The following CHL1 variants were observed in gnomAD, a reference collection of about 807,000 sequenced individuals.
CHL1 encodes the protein neural cell adhesion molecule L1-like protein.
In CHL1, 96 loss-of-function variants were observed where a neutral mutation model predicts 141.9. The ratio of observed to expected loss-of-function variants is 0.68; its 90% CI spans 0.57 to 0.80. The LOEUF (loss-of-function observed/expected upper bound fraction) is 0.80, where lower values mean the gene tolerates loss of function less well. Among genes scored for constraint, CHL1 ranks in the 30% least tolerant of loss-of-function variants. The probability of loss-of-function intolerance (pLI) is 0.00; values close to 1 mark genes in which losing one functional copy is unlikely to be tolerated. For missense variants in CHL1, 1,820 were observed against 1,457.2 expected, an observed-to-expected ratio of 1.25 and a Z score of -4.05; for synonymous variants, 613 against 502.2, an observed-to-expected ratio of 1.22 and a Z score of -2.95.
intron 11 of CHL1, 119 bp downstream of exon 11, chr3:354,890 C>A: frequency 1.6e-6 from 2 of 1,234,582 alleles, no homozygotes; most frequent in Non-Finnish European, 2.2e-6. Flanking sequence ...ACAGATACAA[C>A]CAGCAAATCA....
intron 2 of CHL1, among the ~76,000 whole-genome samples, chr3:310,876 C>T (rs1200689319): frequency 1.3e-5 from 2 of 152,224 alleles, no homozygotes; most frequent in African/African-American, 4.8e-5. Flanking sequence ...AAATCCTGTC[C>T]TCCTATTCAT....
intron 4 of CHL1, among the ~76,000 whole-genome samples, chr3:327,820 T>G (rs941748550): frequency 3.3e-5 from 5 of 151,940 alleles, no homozygotes; most frequent in Non-Finnish European, 5.9e-5. Context: ...AGTGAGTTCC[T>G]TACACACACA....
At chr3:345,603 C>A (rs1158540702) in intron 9 of CHL1, among the ~76,000 whole-genome samples, 1 of 152,080 alleles carries the variant, frequency 6.6e-6, no homozygotes, top group African/African-American at 2.4e-5. Flanking sequence ...CCTGCCTCAG[C>A]CTCCTGAGTA....
At chr3:206,963 G>A (rs1699495529) in intron 1 of CHL1, among the ~76,000 whole-genome samples, 1 of 152,180 alleles carries the variant, frequency 6.6e-6, no homozygotes, top group South Asian at 2.1e-4. Context: ...GAAATCGTTG[G>A]CAATGGCAGA....
chr3:399,444 A>T (rs1161191107), intron 26 of CHL1, among the ~76,000 whole-genome samples: 1 of 152,154 alleles, frequency 6.6e-6, no homozygotes, highest in African/African-American at 2.4e-5. Flanking sequence ...GATCGAGACC[A>T]TCCTGGCCAA....
intron 5 of CHL1, among the ~76,000 whole-genome samples, chr3:331,355 T>C (rs1346269855): frequency 6.6e-6 from 1 of 152,072 alleles, no homozygotes. Flanking sequence ...ATCTCAGCCT[T>C]CTGAGTAACT....
In CHL1 at chr3:390,826, A is replaced by T. The variant is rs1451583500; in HGVS notation, c.2586+10A>T. 6.4e-7 allele frequency: 1 copy of T among 1,557,174 alleles called. No homozygotes were observed. The highest frequency in any genetic ancestry group is 1.7e-5 in the Admixed American group (1 of 59,444). ...TCTGAAAGGCTATCAGGTTTTTATC[A>T]TCATGGTTTTTCCTCTTCTTGTTGA... On this transcript the variant is annotated intron_variant, in intron 21 of 27. Transcript: ENST00000256509.
At chr3:261,599 A>C (rs1211839508) in intron 2 of CHL1, among the ~76,000 whole-genome samples, 1 of 152,136 alleles carries the variant, frequency 6.6e-6, no homozygotes, top group Non-Finnish European at 1.5e-5. Flanking sequence ...TTAGAGCTGA[A>C]TGATATTATT....
rs73814735 is a variant in CHL1, at chr3:382,825, C to T, written c.2176+154C>T. 3,705 of 673,274 alleles carry T rather than the reference C, an allele frequency of 5.5e-3. 97 individuals are homozygous for T. The African/African-American group carries it at 0.061, about 11-fold the overall frequency. 41.7% of individuals were successfully genotyped at this position (673,274 alleles called of 1,614,324 possible). A position where few individuals can be genotyped will look rare whatever the true frequency, so the allele number is the denominator to read the frequency against. ...TAAACAGCACACAAAATATTCAAAG[C>T]ACACAAGTTTCAGAAGTGTTACATA... is the stretch of plus-strand genomic sequence containing the variant. On this transcript the variant is annotated intron_variant, in intron 18 of 27. Transcript: ENST00000256509.
chr3:205,040 T>C (rs1699284746), intron 1 of CHL1, among the ~76,000 whole-genome samples: 1 of 152,128 alleles, frequency 6.6e-6, no homozygotes, highest in African/African-American at 2.4e-5. Flanking sequence ...TCCTAATTTG[T>C]AACCCAGTTC....
At chr3:212,264 T>C (rs930709829) in intron 1 of CHL1, among the ~76,000 whole-genome samples, 9 of 152,152 alleles carry the variant, frequency 5.9e-5, no homozygotes, top group Non-Finnish European at 8.8e-5. Flanking sequence ...CCATAGTCTA[T>C]TTTTATATAG....
At position 354,840 on chromosome 3, in the gene CHL1, C is replaced by T. The variant is rs187857396; in HGVS notation, c.1165+69C>T. 1,758 of 1,567,734 alleles carry T rather than the reference C, an allele frequency of 1.1e-3. 37 individuals are homozygous for T. The Admixed American group carries it at 0.024, about 21-fold the overall frequency. ...TTTGACGGGATTAATGATGGTCAGA[C>T]GTGTGTAAAATGAAGTTGGTATGTG... On this transcript the variant is annotated intron_variant, in intron 11 of 27. Transcript: ENST00000256509.
chr3:314,524 C>T (rs1274258036), intron 2 of CHL1, among the ~76,000 whole-genome samples: 1 of 151,778 alleles, frequency 6.6e-6, no homozygotes. Context: ...TTGGGAGATT[C>T]TGCTGAACTT....
chr3:398,299 G>C lies in CHL1; in HGVS notation c.3167G>C (p.Gly1056Ala), dbSNP rs778215015. Residue 1056 changes from glycine to alanine, a missense_variant, in exon 25 of 28, where the codon GGA becomes GCA. Transcript: ENST00000256509. Reference sequence around the variant, plus strand: ...CACCCAATAGAGGTATTTGAGCCGGGAGCTGAACATATAGTTCGCCTAATG... The same window carrying C: ...CACCCAATAGAGGTATTTGAGCCGGCAGCTGAACATATAGTTCGCCTAATG... Reference protein sequence around the residue: ...KTHPIEVFEPGAEHIVRLMTK... With the variant: ...KTHPIEVFEPAAEHIVRLMTK... The C allele has an allele frequency of 4.2e-5, 67 of 1,607,798 alleles. No individual in the cohort carries two copies. The Admixed American group carries it at 1.1e-3, about 27-fold the overall frequency.
At chr3:393,304 A>G (rs1038217187) in intron 23 of CHL1, among the ~76,000 whole-genome samples, 3 of 151,300 alleles carry the variant, frequency 2.0e-5, no homozygotes, top group Non-Finnish European at 4.4e-5. Context: ...TCTTAACCTT[A>G]TATTAGTCGA....
intron 2 of CHL1, among the ~76,000 whole-genome samples, chr3:254,313 T>A (rs1276003940): frequency 1.3e-5 from 2 of 152,132 alleles, no homozygotes; most frequent in Non-Finnish European, 2.9e-5. Context: ...TAAACAAGAC[T>A]CTTCTTCCCA....
chr3:295,213 C>T (rs1698079799), intron 2 of CHL1, among the ~76,000 whole-genome samples: 2 of 152,064 alleles, frequency 1.3e-5, no homozygotes, highest in South Asian at 4.2e-4. Flanking sequence ...CACATTTCTT[C>T]AGAGGGCCTG....
intron 10 of CHL1, among the ~76,000 whole-genome samples, chr3:349,817 A>G (rs575801969): frequency 6.6e-6 from 1 of 152,346 alleles, no homozygotes; most frequent in Non-Finnish European, 1.5e-5. Context: ...CATTAAAGCT[A>G]GTCTCCTAAA....
chr3:376,326 C>A, intron 15 of CHL1: 1 of 488,926 alleles, frequency 2.0e-6, no homozygotes, highest in Non-Finnish European at 4.0e-6. Flanking sequence ...ACAGAATTAT[C>A]CAGGCTTCAT....
Sources: allele counts gnomAD v4.1 joint callset (sites outside exome capture counted in the v4.1 genomes callset), GRCh38; gene constraint gnomAD v4.1.1; transcripts MANE v1.5; gene names NCBI Gene and HGNC (gene_info 2026-07-23, HGNC 2026-07-21).